Variants in CLSTN2 observed in about 807,000 individuals in gnomAD.
CLSTN2 encodes calsyntenin 2.
A neutral mutation model predicts 101.2 loss-of-function variants in CLSTN2; 48 were observed. The observed-to-expected ratio is 0.47, with a 90% confidence interval of 0.38 to 0.60. The LOEUF is 0.60. CLSTN2 is among the 20% of genes least tolerant of loss of function. CLSTN2 has a pLI of 0.00. For missense variants in CLSTN2, 1,160 were observed against 1,238.2 expected, an observed-to-expected ratio of 0.94 and a Z score of 0.95; for synonymous variants, 481 against 463.6, an observed-to-expected ratio of 1.04 and a Z score of -0.48.
At chr3:140,403,258 A>G (rs570422994) in intron 2 of CLSTN2, among the ~76,000 whole-genome samples, 3 of 152,280 alleles carry the variant, frequency 2.0e-5, no homozygotes, top group Non-Finnish European at 4.4e-5. Context: ...GGAAGGGGAA[A>G]TGGTAGCTGG....
chr3:140,023,621 C>T (rs1355495847), intron 1 of CLSTN2, among the ~76,000 whole-genome samples: 1 of 152,142 alleles, frequency 6.6e-6, no homozygotes, highest in Non-Finnish European at 1.5e-5. Flanking sequence ...AAGGGGGGAG[C>T]TGCTCTGTGT....
intron 2 of CLSTN2, among the ~76,000 whole-genome samples, chr3:140,196,465 C>G (rs2010644651): frequency 6.6e-6 from 1 of 152,184 alleles, no homozygotes; most frequent in African/African-American, 2.4e-5. Context: ...TGGGAGGAAC[C>G]AGAGTGGAAT....
At chr3:140,281,270 G>A (rs921292898) in intron 2 of CLSTN2, among the ~76,000 whole-genome samples, 3 of 152,186 alleles carry the variant, frequency 2.0e-5, no homozygotes, top group Non-Finnish European at 2.9e-5. Flanking sequence ...TATTTACTTA[G>A]TGTCTAAGAT....
rs1490229687 is a variant in CLSTN2 at position 140,419,778 on chromosome 3, CGTATATACACGTATACGTGTATATACGT to C, written c.638-1338_638-1311del. On this transcript the variant is annotated intron_variant, in intron 4 of 16. Coordinates refer to ENST00000458420, the MANE Select transcript of CLSTN2 (RefSeq NM_022131.3). ...ATATACGTGTATACACGTGTATACA[CGTATATACACGTATACGTGTATATACGT>C]GTATATACGTATATATACGTATATG... 7.4e-4 allele frequency among the ~76,000 whole-genome samples: 42 copies of C among 56,744 alleles called. 11 individuals are homozygous for C. In the South Asian group the frequency reaches 0.013, roughly 18 times the overall value. 37.2% of individuals were successfully genotyped at this position (56,744 alleles called of 152,430 possible). A position where few individuals can be genotyped will look rare whatever the true frequency, so the allele number is the denominator to read the frequency against.
chr3:140,060,935 T>C (rs2008193494), intron 1 of CLSTN2, among the ~76,000 whole-genome samples: 1 of 152,106 alleles, frequency 6.6e-6, no homozygotes, highest in Non-Finnish European at 1.5e-5. Flanking sequence ...CTGCCTTCAG[T>C]GAGTTTGCAG....
At chr3:140,511,651 G>A (rs1034178073) in intron 8 of CLSTN2, among the ~76,000 whole-genome samples, 2 of 144,502 alleles carry the variant, frequency 1.4e-5, no homozygotes, top group African/African-American at 5.2e-5. Context: ...CCGGGTTCAC[G>A]CAATTCTCCT....
intron 8 of CLSTN2, among the ~76,000 whole-genome samples, chr3:140,503,151 G>C (rs1259180549): frequency 6.6e-6 from 1 of 152,106 alleles, no homozygotes; most frequent in Admixed American, 6.5e-5. Flanking sequence ...GGACCTTTGT[G>C]TAGCATTGGA....
At chr3:140,306,092 A>G (rs190689915) in intron 2 of CLSTN2, among the ~76,000 whole-genome samples, 175 of 152,272 alleles carry the variant, frequency 1.1e-3, no homozygotes, top group African/African-American at 4.0e-3. Context: ...CCCTTTCTAC[A>G]CATATCCAGA....
chr3:140,537,801 T>G (rs897068202), intron 9 of CLSTN2, among the ~76,000 whole-genome samples: 3 of 152,230 alleles, frequency 2.0e-5, no homozygotes, highest in Admixed American at 1.3e-4. Context: ...ATAAAAATTG[T>G]ATACTCACAT....
chr3:140,137,176 A>G (rs1271231577), intron 1 of CLSTN2, among the ~76,000 whole-genome samples: 2 of 152,176 alleles, frequency 1.3e-5, no homozygotes, highest in Non-Finnish European at 2.9e-5. Flanking sequence ...AGAGAATTCT[A>G]TCTTTCTCCT....
At chr3:139,990,138 T>C (rs1214457618) in intron 1 of CLSTN2, among the ~76,000 whole-genome samples, 1 of 152,224 alleles carries the variant, frequency 6.6e-6, no homozygotes, top group Non-Finnish European at 1.5e-5. Context: ...ACATACACTG[T>C]TATTATAATT....
intron 2 of CLSTN2, among the ~76,000 whole-genome samples, chr3:140,312,017 G>A (rs1032402341): frequency 1.4e-4 from 21 of 152,198 alleles, no homozygotes; most frequent in Admixed American, 6.5e-5. Context: ...ATTAAGCCTG[G>A]TTCTGTTTTC....
At chr3:140,350,077 C>T (rs1363337261) in intron 2 of CLSTN2, among the ~76,000 whole-genome samples, 1 of 152,230 alleles carries the variant, frequency 6.6e-6, no homozygotes, top group South Asian at 2.1e-4. Context: ...CCTCTTTTTA[C>T]TACACGCACA....
At chr3:140,130,249 C>T (rs779984069) in intron 1 of CLSTN2, among the ~76,000 whole-genome samples, 3 of 152,126 alleles carry the variant, frequency 2.0e-5, no homozygotes, top group Non-Finnish European at 4.4e-5. Context: ...CCTCCTTTGC[C>T]TTGTGGGAAT....
At chr3:140,487,162 G>T (rs1415439648) in intron 8 of CLSTN2, among the ~76,000 whole-genome samples, 2 of 152,216 alleles carry the variant, frequency 1.3e-5, no homozygotes, top group Non-Finnish European at 2.9e-5. Context: ...GGGTGAAAGA[G>T]TCTGAAAAAG....
chr3:140,030,050 C>T (rs180697861), intron 1 of CLSTN2, among the ~76,000 whole-genome samples: 103 of 152,284 alleles, frequency 6.8e-4, no homozygotes, highest in African/African-American at 2.4e-3. Flanking sequence ...TGATAAAGCA[C>T]GTTGCCAAAT....
chr3:140,333,169 G>A (rs1361441555), intron 2 of CLSTN2, among the ~76,000 whole-genome samples: 1 of 152,144 alleles, frequency 6.6e-6, no homozygotes, highest in Non-Finnish European at 1.5e-5. Flanking sequence ...CTCTCTTTCT[G>A]TAAGTGCACG....
At chr3:139,993,618 C>CA (rs1936152972) in intron 1 of CLSTN2, among the ~76,000 whole-genome samples, 2 of 152,220 alleles carry the variant, frequency 1.3e-5, no homozygotes, top group South Asian at 4.1e-4. Context: ...CCCACCCTGC[C>CA]AAAAAAGAAA....
intron 4 of CLSTN2, among the ~76,000 whole-genome samples, chr3:140,405,465 G>A (rs2088292757): frequency 6.6e-6 from 1 of 152,104 alleles, no homozygotes; most frequent in African/African-American, 2.4e-5. Context: ...GACCTCAAGT[G>A]ATCCACCCAC....
Sources: gnomAD v4.1 joint callset for allele counts (sites outside exome capture counted in the v4.1 genomes callset) on GRCh38, gnomAD v4.1.1 for gene constraint, MANE v1.5 for transcripts, NCBI Gene and HGNC (gene_info 2026-07-23, HGNC 2026-07-21) for gene names.